Variants in PURG observed in about 807,000 individuals in gnomAD.
PURG encodes the protein purine rich element binding protein G.
In PURG, 3 loss-of-function variants were observed where a neutral mutation model predicts 24.3. The ratio of observed to expected loss-of-function variants is 0.12; its 90% CI spans 0.06 to 0.32. The LOEUF (loss-of-function observed/expected upper bound fraction) is 0.32. Among genes scored for constraint, PURG ranks in the 10% least tolerant of loss-of-function variants. The pLI, the probability that PURG is intolerant of heterozygous loss-of-function variation, is 1.00. For synonymous variants in PURG, 180 were observed against 173.1 expected, an observed-to-expected ratio of 1.04 and a Z score of -0.31; for missense variants, 371 against 439.1, an observed-to-expected ratio of 0.84 and a Z score of 1.39.
At chr8:31,020,307 G>A (rs188229695) in intron 1 of PURG, among the ~76,000 whole-genome samples, 295 of 152,194 alleles carry the variant, frequency 1.9e-3, no homozygotes, top group Non-Finnish European at 2.2e-3. Flanking sequence ...GCGTATTCTA[G>A]TAACTATGAA....
intron 1 of PURG, among the ~76,000 whole-genome samples, chr8:31,001,492 C>T (rs1437663439): frequency 1.3e-5 from 2 of 152,206 alleles, no homozygotes; most frequent in East Asian, 1.9e-4. Flanking sequence ...AGCTTCTCTG[C>T]TCTCTGGGCA....
intron 1 of PURG, among the ~76,000 whole-genome samples, chr8:31,001,191 T>C (rs1356748866): frequency 6.6e-6 from 1 of 152,194 alleles, no homozygotes; most frequent in Non-Finnish European, 1.5e-5. Flanking sequence ...TACACACACG[T>C]ATTTTCTTGA....
intron 1 of PURG, among the ~76,000 whole-genome samples, chr8:31,006,147 G>A (rs1276152986): frequency 6.6e-6 from 1 of 152,144 alleles, no homozygotes; most frequent in East Asian, 1.9e-4. Context: ...AATAGCCAAT[G>A]AATTCCCAGT....
chr8:30,997,612 A>G lies in PURG; in HGVS notation c.865-915T>C, dbSNP rs147790602. Reference sequence around the variant, plus strand: ...GGCCACCACAGAGAATGACTTAAAGATAAGTAAACTTACAGAAAAATGTGT... The same window carrying G: ...GGCCACCACAGAGAATGACTTAAAGGTAAGTAAACTTACAGAAAAATGTGT... On this transcript the variant is annotated intron_variant, in intron 1 of 1. Transcript: ENST00000339382. Among the ~76,000 whole-genome samples the G allele has an allele frequency of 1.7e-3, 251 of 151,838 alleles. 2 individuals are homozygous for G. Among genetic ancestry groups the G allele is most frequent in the African/African-American group, 5.7e-3 (235 of 41,548 alleles).
At chr8:31,006,518 CAAAACAAAAACA>C (rs74998207) in intron 1 of PURG, among the ~76,000 whole-genome samples, 13 of 150,766 alleles carry the variant, frequency 8.6e-5, no homozygotes, top group South Asian at 2.1e-4. Context: ...AGCTCCGTCT[CAAAACAAAAACA>C]AAAACAAAAA....
chr8:31,003,976 C>T (rs968854483), intron 1 of PURG, among the ~76,000 whole-genome samples: 8 of 152,078 alleles, frequency 5.3e-5, no homozygotes, highest in African/African-American at 1.9e-4. Context: ...ATTCAGCCAC[C>T]TTTTTGGTAA....
intron 1 of PURG, among the ~76,000 whole-genome samples, chr8:31,011,271 C>A (rs1265352036): frequency 6.6e-6 from 1 of 152,206 alleles, no homozygotes; most frequent in African/African-American, 2.4e-5. Flanking sequence ...GCCCCATCAA[C>A]ATACAGAAAT....
At position 30,997,572 on chromosome 8, in the gene PURG, T is replaced by C. The variant is rs555688848; in HGVS notation, c.865-875A>G. Reference sequence around the variant, plus strand: ...GTACATTTAGTAAAACATTTAAAATTAGAGATGGAAAAATGGCCACCACAG... The same window carrying C: ...GTACATTTAGTAAAACATTTAAAATCAGAGATGGAAAAATGGCCACCACAG... On this transcript the variant is annotated intron_variant, in intron 1 of 1. Coordinates refer to the PURG transcript ENST00000339382. 8.6e-5 allele frequency among the ~76,000 whole-genome samples: 13 copies of C among 151,688 alleles called. No homozygotes were observed. The South Asian group carries it at 2.5e-3, about 29-fold the overall frequency.
At chr8:31,019,404 G>A (rs572336376) in intron 1 of PURG, among the ~76,000 whole-genome samples, 2 of 137,546 alleles carry the variant, frequency 1.5e-5, no homozygotes, top group South Asian at 4.7e-4. Flanking sequence ...CTCAATCTTG[G>A]CTCACTGCAA....
chr8:31,012,739 A>G (rs541240132), intron 1 of PURG, among the ~76,000 whole-genome samples: 1 of 152,374 alleles, frequency 6.6e-6, no homozygotes, highest in African/African-American at 2.4e-5. Flanking sequence ...AGGCCCAGCT[A>G]GAAGGCATAG....
intron 1 of PURG, among the ~76,000 whole-genome samples, chr8:31,011,654 T>C (rs895307915): frequency 6.6e-6 from 1 of 152,170 alleles, no homozygotes; most frequent in Non-Finnish European, 1.5e-5. Context: ...AATAAATATC[T>C]GTTGAATGAA....
chr8:31,011,006 A>G, intron 1 of PURG, among the ~76,000 whole-genome samples: 1 of 152,138 alleles, frequency 6.6e-6, no homozygotes, highest in Non-Finnish European at 1.5e-5. Flanking sequence ...AATTATTACA[A>G]CTGTGGATTT....
At chr8:31,001,627 A>T (rs894056337) in intron 1 of PURG, among the ~76,000 whole-genome samples, 2 of 152,222 alleles carry the variant, frequency 1.3e-5, no homozygotes, top group African/African-American at 4.8e-5. Context: ...CACAGGCAAA[A>T]TAAATATCTA....
chr8:31,032,673 G>C lies in PURG; in HGVS notation c.110C>G (p.Ser37Cys). The C allele has an allele frequency of 6.4e-7, 1 of 1,557,058 alleles. No individual in the cohort carries two copies. Among genetic ancestry groups the C allele is most frequent in the Non-Finnish European group, 8.7e-7 (1 of 1,150,450 alleles). Reference sequence around the variant, plus strand: ...TGAGGCCGCGTAGTGGGGGTAGTGGGAGTGCTGGGCCTGGGGATAGAGTCT... The same window carrying C: ...TGAGGCCGCGTAGTGGGGGTAGTGGCAGTGCTGGGCCTGGGGATAGAGTCT... ...KSRLYPQAQH[S>C]HYPHYAASAT... Residue 37 changes from serine (S) to cysteine (C), a missense_variant, in exon 2 of 2, where the codon TCC (serine) becomes TGC (cysteine). Ser to Cys is a moderately radical substitution (Grantham distance 112). Coordinates refer to ENST00000523392, the MANE Select transcript of PURG (RefSeq NM_001323311.2). The surrounding 1 kb of genome is among the most constrained non-coding windows in gnomAD (Gnocchi z 5.9).
In PURG at chr8:31,013,669, G is replaced by A. The variant is rs923616423; in HGVS notation, c.865-16972C>T. Among the ~76,000 whole-genome samples, 5 of 152,272 alleles carry A rather than the reference G, an allele frequency of 3.3e-5. No homozygotes were observed. In the East Asian group the frequency reaches 5.8e-4, roughly 18 times the overall value. ...GGAGAATCACTTGAACCCAGGAGGC[G>A]GAGGTTGCAGTGAGCCGAGGTCGCG... On this transcript the variant is annotated intron_variant, in intron 1 of 1. Coordinates refer to the PURG transcript ENST00000339382.
At chr8:31,016,439 A>T (rs1488449671) in intron 1 of PURG, among the ~76,000 whole-genome samples, 1 of 151,560 alleles carries the variant, frequency 6.6e-6, no homozygotes. Flanking sequence ...TAAATAAAAT[A>T]AAGTGAGCCC....
Position 31,002,057 on chromosome 8 carries a change from A to G in PURG, c.865-5360T>C, listed in dbSNP as rs544812047. Reference sequence around the variant, plus strand: ...AAGCTAATTCAGGCATAATGAATCAAGGAAATAATCCTCATAGCTGCAATC... The same window carrying G: ...AAGCTAATTCAGGCATAATGAATCAGGGAAATAATCCTCATAGCTGCAATC... On this transcript the variant is annotated intron_variant, in intron 1 of 1. Coordinates refer to the PURG transcript ENST00000339382. 3.9e-5 allele frequency among the ~76,000 whole-genome samples: 6 copies of G among 152,370 alleles called. No individual in the cohort carries two copies. The East Asian group carries it at 1.2e-3, about 29-fold the overall frequency.
At chr8:31,012,058 G>A (rs1256335041) in intron 1 of PURG, among the ~76,000 whole-genome samples, 1 of 152,136 alleles carries the variant, frequency 6.6e-6, no homozygotes, top group South Asian at 2.1e-4. Context: ...AGATTTCAAA[G>A]ACAAAACAGG....
chr8:30,997,722 T>G (rs1810456918), intron 1 of PURG, among the ~76,000 whole-genome samples: 2 of 151,806 alleles, frequency 1.3e-5, no homozygotes, highest in Admixed American at 1.3e-4. Flanking sequence ...AAAAATTTCT[T>G]GGATAAAAGC....
Sources: allele counts gnomAD v4.1 joint callset (sites outside exome capture counted in the v4.1 genomes callset), GRCh38; gene constraint gnomAD v4.1.1; non-coding constraint Gnocchi (gnomAD v3.1); transcripts MANE v1.5; gene names NCBI Gene and HGNC (gene_info 2026-07-23, HGNC 2026-07-21).